The following COL25A1 variants were observed in gnomAD, a reference collection of about 807,000 sequenced individuals.
The protein encoded by COL25A1 is collagen type XXV alpha 1 chain.
In COL25A1, 103 loss-of-function variants were observed where a neutral mutation model predicts 128.4. That is an observed-to-expected ratio of 0.80 (90% CI 0.68 to 0.94). The LOEUF is 0.94. Among genes scored for constraint, COL25A1 ranks in the 40% least tolerant of loss-of-function variants. The pLI is 0.00. For missense variants in COL25A1, 745 were observed against 840.0 expected (o/e 0.89, Z 1.40); for synonymous variants, 279 against 277.2 (o/e 1.01, Z -0.06).
chr4:109,184,065 A>G (rs1006154409), intron 3 of COL25A1, among the ~76,000 whole-genome samples: 1 of 152,108 alleles, frequency 6.6e-6, no homozygotes, highest in African/African-American at 2.4e-5. Flanking sequence ...ATTGTCTTCC[A>G]TTTCAGAGGT....
chr4:109,084,157 C>T (rs1023416432), intron 3 of COL25A1, among the ~76,000 whole-genome samples: 5 of 152,108 alleles, frequency 3.3e-5, no homozygotes, highest in African/African-American at 1.2e-4. Flanking sequence ...GAGAATAAAA[C>T]AGATGACTGT....
chr4:108,887,139 G>A (rs1240378925), intron 18 of COL25A1, among the ~76,000 whole-genome samples: 1 of 152,058 alleles, frequency 6.6e-6, no homozygotes, highest in Non-Finnish European at 1.5e-5. Flanking sequence ...AAATCCAATG[G>A]AATTATTCCT....
chr4:109,028,677 G>T (rs1156755051), intron 5 of COL25A1, among the ~76,000 whole-genome samples: 1 of 151,950 alleles, frequency 6.6e-6, no homozygotes, highest in East Asian at 1.9e-4. Context: ...AGGGGGCCGA[G>T]ATTGTACCAC....
chr4:109,239,394 G>GTGTGTATATATATA (rs1491198097), intron 3 of COL25A1, among the ~76,000 whole-genome samples: 2 of 116,546 alleles, frequency 1.7e-5, no homozygotes, highest in African/African-American at 7.5e-5. Context: ...GTGTGTGTGT[G>GTGTGTATATATATA]TATATATATA....
At chr4:108,970,188 C>T (rs1234751531) in intron 8 of COL25A1, among the ~76,000 whole-genome samples, 2 of 152,164 alleles carry the variant, frequency 1.3e-5, no homozygotes, top group African/African-American at 4.8e-5. Flanking sequence ...AGTGGTGAGC[C>T]ACTGCATCTG....
At chr4:109,105,481 G>A (rs1289119743) in intron 3 of COL25A1, among the ~76,000 whole-genome samples, 3 of 152,044 alleles carry the variant, frequency 2.0e-5, no homozygotes, top group Non-Finnish European at 2.9e-5. Context: ...AGAGTAAGAG[G>A]CTCCATCTCA....
intron 30 of COL25A1, among the ~76,000 whole-genome samples, chr4:108,842,473 T>C (rs1245231596): frequency 2.0e-5 from 3 of 152,242 alleles, no homozygotes; most frequent in Non-Finnish European, 4.4e-5. Flanking sequence ...TGTGGATTGC[T>C]GTAAACCTTT....
intron 8 of COL25A1, among the ~76,000 whole-genome samples, chr4:108,951,546 C>G (rs917449520): frequency 6.6e-6 from 1 of 151,864 alleles, no homozygotes; most frequent in Non-Finnish European, 1.5e-5. Context: ...CCACCACGCC[C>G]GGCAAATTTT....
intron 3 of COL25A1, among the ~76,000 whole-genome samples, chr4:109,200,023 A>G (rs375130002): frequency 2.5e-4 from 38 of 152,342 alleles, no homozygotes; most frequent in African/African-American, 8.9e-4. Context: ...GCTTAAACTA[A>G]CTGACACACA....
intron 11 of COL25A1, chr4:108,921,068 C>A (rs1745440478): frequency 6.5e-6 from 1 of 153,858 alleles, no homozygotes; most frequent in Admixed American, 6.6e-5. Flanking sequence ...AGAAACATGA[C>A]TTTTTTTTTC....
At chr4:109,078,698 T>G (rs1407755439) in intron 3 of COL25A1, among the ~76,000 whole-genome samples, 1 of 152,164 alleles carries the variant, frequency 6.6e-6, no homozygotes, top group Non-Finnish European at 1.5e-5. Context: ...TTAAAATCCA[T>G]AGGGGAAAAA....
At chr4:109,121,514 CAT>C (rs1255175587) in intron 3 of COL25A1, among the ~76,000 whole-genome samples, 1 of 151,962 alleles carries the variant, frequency 6.6e-6, no homozygotes, top group Non-Finnish European at 1.5e-5. Context: ...GACAACTAAA[CAT>C]ATGAAAATTT....
At position 108,817,391 on chromosome 4, in the gene COL25A1, GC is replaced by G. The variant is rs1560693063; in HGVS notation, c.1962+5del. ...TTCTTTTGAGAAATTATTCAGTAAAGCCTACCTTTTGCCAACAGCCAGGCAT... is the reference window on the plus strand; with the variant it reads ...TTCTTTTGAGAAATTATTCAGTAAAGCTACCTTTTGCCAACAGCCAGGCAT... On this transcript the variant is annotated splice_donor_5th_base_variant and intron_variant, in intron 37 of 37. Transcript: ENST00000399132. 1 of 1,613,040 alleles carries G rather than the reference GC, an allele frequency of 6.2e-7. No homozygotes were observed. The highest frequency in any genetic ancestry group is 1.7e-5 in the Admixed American group (1 of 59,990).
chr4:109,114,344 CA>C (rs1174231010), intron 3 of COL25A1, among the ~76,000 whole-genome samples: 3 of 151,976 alleles, frequency 2.0e-5, no homozygotes, highest in African/African-American at 4.8e-5. Context: ...GGGGTTTACA[CA>C]ACTGTATACT....
intron 3 of COL25A1, among the ~76,000 whole-genome samples, chr4:109,120,449 G>C (rs957594431): frequency 2.0e-5 from 3 of 152,018 alleles, no homozygotes; most frequent in Non-Finnish European, 4.4e-5. Flanking sequence ...AGGATAAAAG[G>C]TTAATATGCA....
intron 3 of COL25A1, among the ~76,000 whole-genome samples, chr4:109,223,196 G>A (rs917317276): frequency 5.3e-5 from 8 of 152,110 alleles, no homozygotes; most frequent in Non-Finnish European, 1.5e-5. Flanking sequence ...TAAATGTTCT[G>A]TTACTGTAGA....
chr4:108,985,012 A>C (rs1218107285), intron 6 of COL25A1, among the ~76,000 whole-genome samples: 1 of 152,242 alleles, frequency 6.6e-6, no homozygotes, highest in Non-Finnish European at 1.5e-5. Flanking sequence ...ACTCAGAAGG[A>C]ATTAAAAAAT....
At chr4:108,879,519 C>T (rs2125827642) in intron 19 of COL25A1, among the ~76,000 whole-genome samples, 1 of 152,304 alleles carries the variant, frequency 6.6e-6, no homozygotes, top group Admixed American at 6.5e-5. Flanking sequence ...ATGATCCCGG[C>T]TCACTGCAGC....
chr4:109,041,315 C>T (rs1477407605), intron 5 of COL25A1, among the ~76,000 whole-genome samples: 1 of 152,014 alleles, frequency 6.6e-6, no homozygotes, highest in Non-Finnish European at 1.5e-5. Flanking sequence ...CATGACCTGC[C>T]ATTAATACTT....
Sources: gnomAD v4.1 joint callset for allele counts (sites outside exome capture counted in the v4.1 genomes callset) on GRCh38, gnomAD v4.1.1 for gene constraint, MANE v1.5 for transcripts, NCBI Gene and HGNC (gene_info 2026-07-23, HGNC 2026-07-21) for gene names.